TBC1D22A: variants seen among roughly 807,000 people sequenced by gnomAD.
TBC1D22A encodes putative GTPase activator.
Under a neutral mutation model 60.2 loss-of-function variants are expected in TBC1D22A, and 38 were observed. The observed-to-expected ratio is 0.63, with a 90% CI of 0.49 to 0.83. TBC1D22A has a LOEUF of 0.83. TBC1D22A is among the 40% of genes least tolerant of loss of function. TBC1D22A has a pLI of 0.00. For missense variants in TBC1D22A, 628 were observed against 701.0 expected (o/e 0.90, Z 1.18); for synonymous variants, 302 against 281.7 (o/e 1.07, Z -0.72).
At chr22:47,020,699 A>G (rs767092889) in intron 10 of TBC1D22A, among the ~76,000 whole-genome samples, 1 of 152,054 alleles carries the variant, frequency 6.6e-6, no homozygotes, top group Non-Finnish European at 1.5e-5. Flanking sequence ...AAATGCAGTG[A>G]ATGAATGTGG....
At chr22:46,875,694 A>G (rs1043490982) in intron 4 of TBC1D22A, among the ~76,000 whole-genome samples, 1 of 151,926 alleles carries the variant, frequency 6.6e-6, no homozygotes. Flanking sequence ...TCAGTGATCT[A>G]CCCACCTTGG....
intron 4 of TBC1D22A, among the ~76,000 whole-genome samples, chr22:46,849,939 G>A (rs6008990): frequency 0.29 from 44,413 of 152,116 alleles, 6,493 homozygotes; most frequent in East Asian, 0.32. Flanking sequence ...ATGAACTTGG[G>A]TAAATGACAG....
intron 4 of TBC1D22A, among the ~76,000 whole-genome samples, chr22:46,831,705 G>A (rs148386742): frequency 2.4e-3 from 362 of 152,224 alleles, no homozygotes; most frequent in African/African-American, 8.2e-3. Context: ...CTGGCAGAAG[G>A]CTATAAATAA....
chr22:47,070,355 C>G (rs929306129), intron 11 of TBC1D22A, among the ~76,000 whole-genome samples: 1 of 146,536 alleles, frequency 6.8e-6, no homozygotes, highest in South Asian at 2.2e-4. Context: ...CGGGGCTGAC[C>G]TGACGGTCCT....
intron 4 of TBC1D22A, among the ~76,000 whole-genome samples, chr22:46,832,602 C>T (rs144310758): frequency 0.013 from 2,003 of 152,164 alleles, 49 homozygotes; most frequent in African/African-American, 0.046. Context: ...GCCGAGATCG[C>T]GCCACTGCAC....
rs115821793 is a variant in TBC1D22A at position 47,114,483 on chromosome 22, A to G, written c.1425+2880A>G. Among the ~76,000 whole-genome samples the G allele has an allele frequency of 8.6e-3, 1,309 of 152,170 alleles. 22 individuals are homozygous for G. Among genetic ancestry groups the G allele is most frequent in the African/African-American group, 0.03 (1,235 of 41,490 alleles). The stretch of plus-strand genomic sequence containing the variant: ...TGGAGAGAATGCTGTGAGTGCCACA[A>G]TGTGTTGTGGGCACTGAACCCAATG... On this transcript the variant is annotated intron_variant, in intron 12 of 12. Coordinates refer to ENST00000337137, the MANE Select transcript of TBC1D22A (RefSeq NM_014346.5).
chr22:47,035,682 C>T (rs942751332), intron 10 of TBC1D22A, among the ~76,000 whole-genome samples: 2 of 152,102 alleles, frequency 1.3e-5, no homozygotes, highest in African/African-American at 4.8e-5. Context: ...GGGACCAGCT[C>T]CCGCCACAGC....
At chr22:46,798,596 T>A (rs2084759762) in intron 4 of TBC1D22A, among the ~76,000 whole-genome samples, 1 of 152,238 alleles carries the variant, frequency 6.6e-6, no homozygotes, top group Non-Finnish European at 1.5e-5. Context: ...TTTCCCTATC[T>A]CATCTTTGTG....
At chr22:47,157,623 C>A (rs571075978) in intron 12 of TBC1D22A, among the ~76,000 whole-genome samples, 6 of 152,228 alleles carry the variant, frequency 3.9e-5, no homozygotes, top group Admixed American at 3.3e-4. Flanking sequence ...CAGAGCGTGC[C>A]GTCGTGAGCT....
At chr22:47,147,335 C>T (rs941347559) in intron 12 of TBC1D22A, among the ~76,000 whole-genome samples, 1 of 152,226 alleles carries the variant, frequency 6.6e-6, no homozygotes, top group African/African-American at 2.4e-5. Context: ...TCGTAAAAAC[C>T]ATTTCTGTGA....
intron 4 of TBC1D22A, among the ~76,000 whole-genome samples, chr22:46,867,294 AAAAC>A (rs1223161360): frequency 1.3e-5 from 2 of 152,244 alleles, no homozygotes; most frequent in Non-Finnish European, 2.9e-5. Context: ...ACACAGTGAC[AAAAC>A]AAACAGCTGT....
intron 10 of TBC1D22A, among the ~76,000 whole-genome samples, chr22:47,006,445 G>A (rs1018802789): frequency 1.3e-5 from 2 of 152,302 alleles, no homozygotes; most frequent in East Asian, 1.9e-4. Context: ...ATTCACAATC[G>A]GGTGGAGGTT....
chr22:47,095,247 G>A (rs2065128307), intron 11 of TBC1D22A, among the ~76,000 whole-genome samples: 1 of 152,226 alleles, frequency 6.6e-6, no homozygotes, highest in South Asian at 2.1e-4. Flanking sequence ...GCAAAGAATG[G>A]GAAACAATTT....
intron 4 of TBC1D22A, among the ~76,000 whole-genome samples, chr22:46,875,814 C>T (rs952255663): frequency 1.3e-5 from 2 of 152,130 alleles, no homozygotes; most frequent in African/African-American, 4.8e-5. Context: ...CCCCAACAAA[C>T]AAACAAATCT....
Position 47,175,360 on chromosome 22 carries a change from C to T in TBC1D22A, c.*1734C>T, listed in dbSNP as rs910183216. The T allele has an allele frequency of 1.3e-5, 2 of 150,602 alleles. No individual in the cohort carries two copies. Among genetic ancestry groups the T allele is most frequent in the South Asian group, 2.1e-4 (1 of 4,838 alleles). 9.3% of individuals were successfully genotyped at this position (150,602 alleles called of 1,614,324 possible). A position where few individuals can be genotyped will look rare whatever the true frequency, so the allele number is the denominator to read the frequency against. On this transcript the variant is annotated 3_prime_UTR_variant, in exon 13 of 13. Coordinates refer to ENST00000337137, the MANE Select transcript of TBC1D22A (RefSeq NM_014346.5). Reference sequence around the variant, plus strand: ...TTTCTAGATGGGGAGGGGATTCCGTCACAAGAAGAGCCGCCCCTCGGCCGT... The same window carrying T: ...TTTCTAGATGGGGAGGGGATTCCGTTACAAGAAGAGCCGCCCCTCGGCCGT...
At chr22:47,030,469 G>C (rs1011597254) in intron 10 of TBC1D22A, among the ~76,000 whole-genome samples, 2 of 152,232 alleles carry the variant, frequency 1.3e-5, no homozygotes, top group Non-Finnish European at 1.5e-5. Flanking sequence ...TTTTCGGTCT[G>C]TGGATCTGCT....
intron 12 of TBC1D22A, among the ~76,000 whole-genome samples, chr22:47,163,180 C>A (rs1449380256): frequency 6.6e-6 from 1 of 152,170 alleles, no homozygotes; most frequent in East Asian, 1.9e-4. Context: ...GGCTGCCCCA[C>A]CCAGACAGAG....
chr22:47,040,633 TG>T (rs2062809533), intron 11 of TBC1D22A, among the ~76,000 whole-genome samples: 1 of 151,606 alleles, frequency 6.6e-6, no homozygotes, highest in Non-Finnish European at 1.5e-5. Flanking sequence ...ATGAGGCTGC[TG>T]GGGAGGTGAG....
intron 1 of TBC1D22A, among the ~76,000 whole-genome samples, chr22:46,770,470 G>A (rs1211285246): frequency 6.6e-6 from 1 of 152,238 alleles, no homozygotes; most frequent in Non-Finnish European, 1.5e-5. Flanking sequence ...ATTTGTTACA[G>A]CAGCTGTGAA....
Sources: allele counts gnomAD v4.1 joint callset (sites outside exome capture counted in the v4.1 genomes callset), GRCh38; gene constraint gnomAD v4.1.1; transcripts MANE v1.5; gene names NCBI Gene and HGNC (gene_info 2026-07-23, HGNC 2026-07-21).